CNTNAP4: variants seen among roughly 807,000 people sequenced by gnomAD.
CNTNAP4 encodes contactin-associated protein-like 4.
In CNTNAP4, 98 loss-of-function variants were observed where a neutral mutation model predicts 148.4. That is an observed-to-expected ratio of 0.66 (90% CI 0.56 to 0.78). CNTNAP4 has a LOEUF of 0.78. Ranked by LOEUF, CNTNAP4 falls within the 30% of genes least tolerant of loss-of-function variation. The pLI is 0.00. For missense variants in CNTNAP4, 1,935 were observed against 1,565.6 expected, an observed-to-expected ratio of 1.24 and a Z score of -3.98; for synonymous variants, 730 against 565.1, an observed-to-expected ratio of 1.29 and a Z score of -4.14.
chr16:76,381,036 T>C (rs543304440), intron 3 of CNTNAP4, among the ~76,000 whole-genome samples: 1 of 152,224 alleles, frequency 6.6e-6, no homozygotes, highest in Non-Finnish European at 1.5e-5. Context: ...CTCCATACCT[T>C]TGAAACTCTT....
intron 1 of CNTNAP4, 173 bp from the exon 2 acceptor site, chr16:76,316,240 T>C (rs2144089493): frequency 3.1e-6 from 2 of 642,992 alleles, no homozygotes; most frequent in Admixed American, 2.6e-5. Context: ...TTTTTTCTTT[T>C]CTCATTGAAC....
intron 8 of CNTNAP4, among the ~76,000 whole-genome samples, chr16:76,460,773 A>AAAAAAAAAAAAATATATAT: frequency 3.5e-5 from 2 of 57,324 alleles, no homozygotes; most frequent in Non-Finnish European, 6.6e-5. Flanking sequence ...AAAAAAAAAA[A>AAAAAAAAAAAAATATATAT]ATATATATAT....
intron 3 of CNTNAP4, among the ~76,000 whole-genome samples, chr16:76,425,541 T>A (rs8048048): frequency 6.6e-6 from 1 of 152,228 alleles, no homozygotes; most frequent in African/African-American, 2.4e-5. Context: ...ATAAGAGAAA[T>A]CCCTCTTAAA....
At chr16:76,307,437 T>G (rs1960590273) in intron 1 of CNTNAP4, among the ~76,000 whole-genome samples, 1 of 150,492 alleles carries the variant, frequency 6.6e-6, no homozygotes, top group African/African-American at 2.4e-5. Flanking sequence ...TGTTTCAGCA[T>G]CTTTGGATAT....
intron 9 of CNTNAP4, among the ~76,000 whole-genome samples, chr16:76,465,396 G>C (rs762942518): frequency 9.9e-5 from 15 of 152,058 alleles, no homozygotes; most frequent in Non-Finnish European, 2.2e-4. Flanking sequence ...ATTGTAGCTA[G>C]GAATATGAAT....
At chr16:76,367,542 G>A (rs1421615049) in intron 3 of CNTNAP4, among the ~76,000 whole-genome samples, 2 of 152,184 alleles carry the variant, frequency 1.3e-5, no homozygotes, top group South Asian at 2.1e-4. Context: ...AGCAGCAGCA[G>A]TGGTCTTTGG....
intron 2 of CNTNAP4, among the ~76,000 whole-genome samples, chr16:76,325,676 G>C (rs1453191248): frequency 6.6e-6 from 1 of 151,742 alleles, no homozygotes; most frequent in Non-Finnish European, 1.5e-5. Flanking sequence ...AAAGAAAAAA[G>C]GTTAAATATG....
At chr16:76,380,832 A>G (rs1269727311) in intron 3 of CNTNAP4, among the ~76,000 whole-genome samples, 1 of 152,186 alleles carries the variant, frequency 6.6e-6, no homozygotes, top group African/African-American at 2.4e-5. Context: ...AGTCATATAT[A>G]TAGGATGCCT....
chr16:76,449,814 A>G lies in CNTNAP4; in HGVS notation c.1027A>G (p.Ile343Val). The stretch of plus-strand genomic sequence containing the variant: ...AAATCTCTATTATAATGGAGTGGAT[A>G]TCATTGATTTGGCCAAGCAGCAAAA... ...LENLYYNGVD[I>V]IDLAKQQKPQ... The change falls in exon 7 of 24, where the codon ATC becomes GTC. Residue 343 changes from isoleucine to valine, a missense_variant. By Grantham distance (29) the Ile-to-Val change is conservative. Transcript: ENST00000611870. The G allele has an allele frequency of 3.1e-6, 5 of 1,607,782 alleles. No homozygotes were observed. The highest frequency in any genetic ancestry group is 4.2e-6 in the Non-Finnish European group (5 of 1,177,034).
At chr16:76,492,057 TA>T (rs1597721107) in intron 13 of CNTNAP4, among the ~76,000 whole-genome samples, 2 of 152,160 alleles carry the variant, frequency 1.3e-5, no homozygotes, top group Non-Finnish European at 2.9e-5. Context: ...ATATGGAATC[TA>T]AAAAAGTTTA....
chr16:76,327,528 C>A (rs1028184966), intron 2 of CNTNAP4, among the ~76,000 whole-genome samples: 1 of 152,106 alleles, frequency 6.6e-6, no homozygotes, highest in Admixed American at 6.6e-5. Context: ...TTTTGTATGA[C>A]ACTTACATCC....
At chr16:76,363,737 T>C (rs977445393) in intron 3 of CNTNAP4, among the ~76,000 whole-genome samples, 3 of 152,204 alleles carry the variant, frequency 2.0e-5, no homozygotes, top group African/African-American at 7.2e-5. Context: ...ACCATGTATC[T>C]GATAGGGAGT....
chr16:76,496,384 T>G (rs2082404322), intron 14 of CNTNAP4, among the ~76,000 whole-genome samples: 1 of 152,140 alleles, frequency 6.6e-6, no homozygotes, highest in Non-Finnish European at 1.5e-5. Flanking sequence ...AAAAATGACT[T>G]TTAAAAATAA....
At chr16:76,464,228 T>A (rs2081092470) in intron 9 of CNTNAP4, among the ~76,000 whole-genome samples, 2 of 152,130 alleles carry the variant, frequency 1.3e-5, no homozygotes, top group Middle Eastern at 3.2e-3. Context: ...GGGAGTGAAC[T>A]AGAGGGGAAA....
At chr16:76,439,165 C>T (rs1393739424) in intron 4 of CNTNAP4, among the ~76,000 whole-genome samples, 1 of 152,018 alleles carries the variant, frequency 6.6e-6, no homozygotes, top group Non-Finnish European at 1.5e-5. Flanking sequence ...CACCGTAGCA[C>T]TTGACACAGC....
chr16:76,540,899 C>G (rs1463212333), intron 21 of CNTNAP4, 109 bp downstream of exon 21: 1 of 702,180 alleles, frequency 1.4e-6, no homozygotes, highest in African/African-American at 1.8e-5. Context: ...AAGGAAATCC[C>G]TTGCCTATTT....
At chr16:76,464,997 C>T (rs1261905920) in intron 9 of CNTNAP4, among the ~76,000 whole-genome samples, 2 of 152,178 alleles carry the variant, frequency 1.3e-5, no homozygotes, top group South Asian at 4.1e-4. Context: ...CAACATGCAG[C>T]ACAATCTGGG....
At chr16:76,431,895 AAC>A (rs869141456) in intron 4 of CNTNAP4, among the ~76,000 whole-genome samples, 1 of 147,590 alleles carries the variant, frequency 6.8e-6, no homozygotes, top group South Asian at 2.3e-4. Flanking sequence ...TGTGGAAGGA[AAC>A]AAGAGATAAT....
intron 15 of CNTNAP4, among the ~76,000 whole-genome samples, chr16:76,515,854 A>G (rs1436928427): frequency 6.6e-6 from 1 of 152,162 alleles, no homozygotes. Context: ...GAGAAATTGG[A>G]TCACTCATAC....
Sources: allele counts gnomAD v4.1 joint callset (sites outside exome capture counted in the v4.1 genomes callset), GRCh38; gene constraint gnomAD v4.1.1; transcripts MANE v1.5; gene names NCBI Gene and HGNC (gene_info 2026-07-23, HGNC 2026-07-21).